Variants in DNAAF9 observed in about 807,000 individuals in gnomAD.
DNAAF9 encodes dynein axonemal assembly factor 9, also known as shulin.
In DNAAF9, 90 loss-of-function variants were observed where a neutral mutation model predicts 167.0. The ratio of observed to expected loss-of-function variants is 0.54; its 90% confidence interval spans 0.45 to 0.64. DNAAF9 has a LOEUF of 0.64. Ranked by LOEUF, DNAAF9 falls within the 30% of genes least tolerant of loss-of-function variation. The pLI, the probability that DNAAF9 is intolerant of heterozygous loss-of-function variation, is 0.00. For missense variants in DNAAF9, 1,315 were observed against 1,442.2 expected (o/e 0.91, Z 1.43); for synonymous variants, 491 against 508.8 (o/e 0.96, Z 0.47).
chr20:3,250,815 C>G lies in DNAAF9; in HGVS notation c.*1757G>C, dbSNP rs976099234. 1.1e-4 allele frequency: 16 copies of G among 152,292 alleles called. No individual in the cohort carries two copies. The highest frequency in any genetic ancestry group is 3.9e-4 in the African/African-American group (16 of 41,514). The allele number at this position is 152,292 out of a possible 1,614,324, so 9.4% of individuals were successfully genotyped here. On this transcript the variant is annotated 3_prime_UTR_variant, in exon 37 of 37. Transcript: ENST00000252032. ...AGAAATGGCCTGTGGTTCCCACCCC[C>G]CAACCCCTTTTCTAAGGCTGCTCAA... is the stretch of plus-strand genomic sequence containing the variant.
chr20:3,357,013 A>T (rs1199760004), intron 7 of DNAAF9, among the ~76,000 whole-genome samples: 1 of 152,134 alleles, frequency 6.6e-6, no homozygotes, highest in African/African-American at 2.4e-5. Flanking sequence ...ATTATTTATA[A>T]ATTCCTATGT....
At chr20:3,306,576 A>G (rs1568593901) in intron 20 of DNAAF9, among the ~76,000 whole-genome samples, 1 of 152,202 alleles carries the variant, frequency 6.6e-6, no homozygotes, top group South Asian at 2.1e-4. Flanking sequence ...TCACAGCATT[A>G]CTTGGTGGTG....
intron 9 of DNAAF9, among the ~76,000 whole-genome samples, chr20:3,341,830 T>C (rs1042904906): frequency 5.3e-5 from 8 of 152,026 alleles, no homozygotes; most frequent in Admixed American, 6.6e-5. Context: ...CAGGCTGGAG[T>C]GCAGTGGCGC....
intron 21 of DNAAF9, among the ~76,000 whole-genome samples, chr20:3,302,833 T>C (rs1225047609): frequency 6.6e-6 from 1 of 152,242 alleles, no homozygotes. Flanking sequence ...GGTTTGATAG[T>C]AAAGGTGGTT....
In DNAAF9 at chr20:3,367,670, C is replaced by T. The variant is rs555456204; in HGVS notation, c.612+6378G>A. The stretch of plus-strand genomic sequence containing the variant: ...CAGTCAGTGAAGCAGTCAGAACACA[C>T]ACATCATTTAAGTTCATCATCTCAT... On this transcript the variant is annotated intron_variant, in intron 6 of 36. Transcript: ENST00000252032. Among the ~76,000 whole-genome samples, 125 of 152,240 alleles carry T rather than the reference C, an allele frequency of 8.2e-4. 1 individual carries two copies. The South Asian group carries it at 0.019, about 23-fold the overall frequency.
chr20:3,255,243 C>T lies in DNAAF9; in HGVS notation c.3303G>A (p.Thr1101=), dbSNP rs1228466763. 23 of 1,550,852 alleles carry T rather than the reference C, an allele frequency of 1.5e-5. No homozygotes were observed. The highest frequency in any genetic ancestry group is 1.7e-5 in the Non-Finnish European group (19 of 1,146,450). ...CGTGGATGCTCCTGATCTCCTGTTG[C>T]GTCAGCATCCCCCTGGTCTTCAGGG... ...RKALKTRGML[T]QQEIRSIHVK... The change falls in exon 35 of 37, where the codon ACG becomes ACA. Residue 1101 remains threonine (T), a synonymous_variant. Coordinates refer to ENST00000252032, the MANE Select transcript of DNAAF9 (RefSeq NM_001009984.3).
intron 1 of DNAAF9, among the ~76,000 whole-genome samples, chr20:3,384,940 T>G (rs1389197833): frequency 6.6e-6 from 1 of 151,940 alleles, no homozygotes; most frequent in African/African-American, 2.4e-5. Flanking sequence ...TTGATGGATA[T>G]CCCAACTACA....
intron 6 of DNAAF9, among the ~76,000 whole-genome samples, chr20:3,365,961 T>C (rs190098941): frequency 1.3e-5 from 2 of 152,332 alleles, no homozygotes; most frequent in East Asian, 1.9e-4. Context: ...CTTCTAATTC[T>C]AGTTGTCTTG....
intron 1 of DNAAF9, among the ~76,000 whole-genome samples, chr20:3,386,331 A>G (rs1414064602): frequency 1.3e-5 from 2 of 152,228 alleles, no homozygotes; most frequent in African/African-American, 4.8e-5. Flanking sequence ...GACCCACACA[A>G]GTACAACTAA....
intron 10 of DNAAF9, among the ~76,000 whole-genome samples, chr20:3,335,137 A>T (rs1224136528): frequency 6.6e-6 from 1 of 152,198 alleles, no homozygotes; most frequent in African/African-American, 2.4e-5. Flanking sequence ...AGATAAAACC[A>T]TTTTAAAGTA....
intron 31 of DNAAF9, among the ~76,000 whole-genome samples, chr20:3,261,548 AAT>A (rs1404900870): frequency 6.7e-6 from 1 of 149,746 alleles, no homozygotes; most frequent in East Asian, 2.0e-4. Flanking sequence ...TTGTATTTTT[AAT>A]AGAGATGGGG....
At chr20:3,391,698 A>G (rs554762886) in intron 1 of DNAAF9, among the ~76,000 whole-genome samples, 75 of 149,590 alleles carry the variant, frequency 5.0e-4, no homozygotes, top group African/African-American at 1.7e-3. Flanking sequence ...CTCCTGCCTC[A>G]GGCTCCTGAG....
At chr20:3,406,464 T>C (rs568286566) in intron 1 of DNAAF9, among the ~76,000 whole-genome samples, 1 of 152,142 alleles carries the variant, frequency 6.6e-6, no homozygotes, top group South Asian at 2.1e-4. Flanking sequence ...ATCGCTCGCA[T>C]TCCCCCTCTC....
intron 1 of DNAAF9, among the ~76,000 whole-genome samples, chr20:3,403,919 G>C (rs955046710): frequency 6.6e-6 from 1 of 151,926 alleles, no homozygotes; most frequent in Admixed American, 6.6e-5. Flanking sequence ...CTTCCGAGTA[G>C]CTGACCTACA....
chr20:3,323,054 T>G (rs1054146407), intron 14 of DNAAF9, among the ~76,000 whole-genome samples: 4 of 151,794 alleles, frequency 2.6e-5, no homozygotes, highest in African/African-American at 9.7e-5. Flanking sequence ...CAACTCACAG[T>G]CAAATGCTGT....
chr20:3,301,133 G>A (rs548160439), intron 21 of DNAAF9, among the ~76,000 whole-genome samples: 42 of 148,398 alleles, frequency 2.8e-4, no homozygotes, highest in African/African-American at 1.0e-3. Context: ...TCCCACCTAA[G>A]CCTCCCAAAT....
intron 30 of DNAAF9, among the ~76,000 whole-genome samples, chr20:3,265,287 G>A (rs1035741557): frequency 3.3e-5 from 5 of 152,178 alleles, no homozygotes; most frequent in Middle Eastern, 3.4e-3. Flanking sequence ...TCATTAGGCC[G>A]GGCGCGATGG....
intron 8 of DNAAF9, among the ~76,000 whole-genome samples, chr20:3,347,176 T>C (rs1401074613): frequency 3.3e-5 from 5 of 152,210 alleles, no homozygotes; most frequent in Non-Finnish European, 1.5e-5. Flanking sequence ...GACTATGCTA[T>C]GTACAAAGAT....
intron 10 of DNAAF9, among the ~76,000 whole-genome samples, chr20:3,337,448 T>TTTG (rs1223925269): frequency 6.6e-6 from 1 of 150,452 alleles, no homozygotes; most frequent in Non-Finnish European, 1.5e-5. Context: ...TTGTTTTTTT[T>TTTG]TTTTTTGGTA....
Sources: gnomAD v4.1 joint callset for allele counts (sites outside exome capture counted in the v4.1 genomes callset) on GRCh38, gnomAD v4.1.1 for gene constraint, MANE v1.5 for transcripts, NCBI Gene and HGNC (gene_info 2026-07-23, HGNC 2026-07-21) for gene names.